The following PTPRT variants were observed in gnomAD, a reference collection of about 807,000 sequenced individuals.
PTPRT encodes the protein protein tyrosine phosphatase receptor type T, also known as receptor-type tyrosine-protein phosphatase T.
PTPRT carries 56 observed loss-of-function variants against 176.8 expected under a neutral mutation model. That is an observed-to-expected ratio of 0.32 (90% CI 0.26 to 0.40). The LOEUF is 0.40. Ranked by LOEUF, PTPRT falls within the 10% of genes least tolerant of loss-of-function variation. PTPRT has a pLI of 1.00. For missense variants in PTPRT, 1,540 were observed against 1,908.2 expected, an observed-to-expected ratio of 0.81 and a Z score of 3.60; for synonymous variants, 783 against 739.0, an observed-to-expected ratio of 1.06 and a Z score of -0.96.
intron 7 of PTPRT, among the ~76,000 whole-genome samples, chr20:42,578,911 G>A (rs1010787089): frequency 1.4e-5 from 2 of 147,980 alleles, no homozygotes; most frequent in African/African-American, 5.1e-5. Flanking sequence ...TTGGGGGGGG[G>A]TCGGTTTTTA....
At chr20:43,077,205 C>G (rs1292235293) in intron 1 of PTPRT, among the ~76,000 whole-genome samples, 1 of 152,170 alleles carries the variant, frequency 6.6e-6, no homozygotes, top group East Asian at 1.9e-4. Context: ...TGACACCCAA[C>G]ACTACAAACT....
At chr20:42,877,438 C>T (rs955808945) in intron 2 of PTPRT, among the ~76,000 whole-genome samples, 1 of 152,108 alleles carries the variant, frequency 6.6e-6, no homozygotes, top group Non-Finnish European at 1.5e-5. Flanking sequence ...ATGAGAGATA[C>T]CCCAAATCAA....
chr20:42,377,030 G>C (rs963490622), intron 9 of PTPRT, among the ~76,000 whole-genome samples: 1 of 152,180 alleles, frequency 6.6e-6, no homozygotes, highest in African/African-American at 2.4e-5. Context: ...AAGAGAGGGA[G>C]CAAGGCTGTC....
intron 9 of PTPRT, among the ~76,000 whole-genome samples, chr20:42,361,891 T>C (rs1216981617): frequency 6.6e-6 from 1 of 152,218 alleles, no homozygotes; most frequent in Admixed American, 6.5e-5. Context: ...TTACCAGCAG[T>C]AGTAACTAGA....
At chr20:42,570,421 C>T (rs74654211) in intron 7 of PTPRT, among the ~76,000 whole-genome samples, 3,553 of 152,218 alleles carry the variant, frequency 0.023, 150 homozygotes, top group African/African-American at 0.081. Context: ...GTGAAAACCA[C>T]TTAATCTTCA....
intron 7 of PTPRT, among the ~76,000 whole-genome samples, chr20:42,498,444 T>G (rs1295810859): frequency 6.6e-6 from 1 of 152,168 alleles, no homozygotes; most frequent in Non-Finnish European, 1.5e-5. Flanking sequence ...AATTCCAACC[T>G]GATTCTAGTG....
At chr20:42,918,573 G>A (rs181204256) in intron 1 of PTPRT, among the ~76,000 whole-genome samples, 37 of 152,108 alleles carry the variant, frequency 2.4e-4, no homozygotes, top group African/African-American at 8.4e-4. Flanking sequence ...CCTCACCCAC[G>A]CTGATCCTGT....
At chr20:43,088,655 C>G (rs964060053) in intron 1 of PTPRT, among the ~76,000 whole-genome samples, 5 of 152,126 alleles carry the variant, frequency 3.3e-5, no homozygotes, top group Non-Finnish European at 7.3e-5. Context: ...AGCTTGATGA[C>G]CCAGGTGCTC....
intron 7 of PTPRT, among the ~76,000 whole-genome samples, chr20:42,480,919 A>G (rs1334148737): frequency 6.6e-6 from 1 of 152,204 alleles, no homozygotes; most frequent in Admixed American, 6.5e-5. Context: ...AAACAGCTCA[A>G]ACAATCTATT....
At chr20:42,591,673 C>T (rs1306682968) in intron 7 of PTPRT, among the ~76,000 whole-genome samples, 4 of 152,132 alleles carry the variant, frequency 2.6e-5, no homozygotes, top group Non-Finnish European at 5.9e-5. Context: ...CCAGGCAAGG[C>T]CACAGAGGCA....
intron 2 of PTPRT, among the ~76,000 whole-genome samples, chr20:42,802,177 A>G (rs1293502878): frequency 1.3e-5 from 2 of 152,204 alleles, no homozygotes; most frequent in East Asian, 1.9e-4. Context: ...CAAGTTTCTA[A>G]GTGATGCTGA....
intron 7 of PTPRT, among the ~76,000 whole-genome samples, chr20:42,549,864 T>C (rs963062375): frequency 5.3e-5 from 8 of 151,788 alleles, no homozygotes; most frequent in African/African-American, 1.9e-4. Context: ...GTCAAGAAAA[T>C]CTCCAGGGCA....
At chr20:42,288,710 G>A (rs2057271980) in intron 12 of PTPRT, among the ~76,000 whole-genome samples, 1 of 151,878 alleles carries the variant, frequency 6.6e-6, no homozygotes. Context: ...TCTTTTTTAT[G>A]GCTGCATAGT....
intron 1 of PTPRT, among the ~76,000 whole-genome samples, chr20:42,898,874 G>C (rs887046972): frequency 1.1e-4 from 17 of 152,170 alleles, no homozygotes; most frequent in Admixed American, 9.8e-4. Flanking sequence ...TGAGAGAACA[G>C]GGGGAGAGAA....
intron 1 of PTPRT, among the ~76,000 whole-genome samples, chr20:43,118,640 G>A (rs1283774699): frequency 4.6e-5 from 7 of 152,006 alleles, no homozygotes; most frequent in Admixed American, 3.3e-4. Flanking sequence ...GGGTTTCACC[G>A]TGTTGGTCAG....
intron 6 of PTPRT, among the ~76,000 whole-genome samples, chr20:42,701,089 C>A (rs550984116): frequency 6.6e-6 from 1 of 152,040 alleles, no homozygotes; most frequent in South Asian, 2.1e-4. Context: ...CACCTGACAA[C>A]TCAGTTTAGT....
At chr20:42,603,543 G>T (rs2145797551) in intron 7 of PTPRT, among the ~76,000 whole-genome samples, 1 of 152,260 alleles carries the variant, frequency 6.6e-6, no homozygotes, top group East Asian at 1.9e-4. Context: ...GATCTTGCTG[G>T]GCCTTGTGGG....
At chr20:42,816,845 A>G (rs1445674587) in intron 2 of PTPRT, among the ~76,000 whole-genome samples, 2 of 152,192 alleles carry the variant, frequency 1.3e-5, no homozygotes, top group South Asian at 2.1e-4. Flanking sequence ...GAGCTAATAC[A>G]CTAACCAATC....
intron 10 of PTPRT, 31 bp downstream of exon 10, chr20:42,352,052 CT>C: frequency 1.3e-6 from 2 of 1,598,094 alleles, no homozygotes; most frequent in Non-Finnish European, 1.7e-6. Context: ...GTGAAACAAC[CT>C]TTTTTCCTTT....
Sources: allele counts gnomAD v4.1 joint callset (sites outside exome capture counted in the v4.1 genomes callset), GRCh38; gene constraint gnomAD v4.1.1; transcripts MANE v1.5; gene names NCBI Gene and HGNC (gene_info 2026-07-23, HGNC 2026-07-21).